RELCH: variants seen among roughly 807,000 people sequenced by gnomAD.
The protein encoded by RELCH is RAB11-binding protein RELCH.
A neutral mutation model predicts 150.3 loss-of-function variants in RELCH; 41 were observed. The ratio of observed to expected loss-of-function variants is 0.27; its 90% CI spans 0.21 to 0.35. RELCH has a LOEUF of 0.35. Ranked by LOEUF, RELCH falls within the 10% of genes least tolerant of loss-of-function variation. The pLI, the probability that RELCH is intolerant of heterozygous loss-of-function variation, is 1.00. For missense variants in RELCH, 1,092 were observed against 1,467.8 expected (o/e 0.74, Z 4.18); for synonymous variants, 478 against 531.8 (o/e 0.90, Z 1.39).
chr18:62,239,165 A>C (rs2042017878), intron 10 of RELCH, among the ~76,000 whole-genome samples: 1 of 152,126 alleles, frequency 6.6e-6, no homozygotes, highest in East Asian at 1.9e-4. Context: ...TTGTGAGTAC[A>C]TCACATTTCT....
Position 62,187,863 on chromosome 18 carries a change from A to T in RELCH, c.358A>T (p.Ser120Cys). The T allele has an allele frequency of 6.3e-7, 1 of 1,593,536 alleles. No homozygotes were observed. The highest frequency in any genetic ancestry group is 8.5e-7 in the Non-Finnish European group (1 of 1,170,498). Reference protein sequence around the residue: ...ALELHTELLESGRELPRLRDY... With the variant: ...ALELHTELLECGRELPRLRDY... ...GGAGCTGCATACCGAGCTGTTAGAG[A>T]GTGGCCGGGAGCTGCCTCGGCTGCG... The change falls in exon 1 of 29, where the codon AGT becomes TGT. Residue 120 changes from serine (S) to cysteine (C), a missense_variant. Ser to Cys is a moderately radical substitution (Grantham distance 112). Transcript: ENST00000644646.
chr18:62,187,286 C>T lies in RELCH; in HGVS notation c.-220C>T, dbSNP rs1469374895. Reference sequence around the variant, plus strand: ...CGCGAGACTGGAGACCAGGAAGACGCCTGCAGAGCCGGGCTGCTGGTGCAG... The same window carrying T: ...CGCGAGACTGGAGACCAGGAAGACGTCTGCAGAGCCGGGCTGCTGGTGCAG... On this transcript the variant is annotated 5_prime_UTR_variant, in exon 1 of 29. Transcript: ENST00000644646. The T allele has an allele frequency of 7.9e-6, 3 of 377,860 alleles. No homozygotes were observed. The highest frequency in any genetic ancestry group is 2.1e-5 in the African/African-American group (1 of 48,270). 23.4% of individuals were successfully genotyped at this position (377,860 alleles called of 1,614,324 possible).
chr18:62,268,417 G>A (rs1298243010), intron 19 of RELCH: 2 of 152,520 alleles, frequency 1.3e-5, no homozygotes, highest in African/African-American at 4.8e-5. Context: ...GGATGCAGGA[G>A]GGGCTCAGGA....
At chr18:62,201,226 G>A (rs2039423193) in intron 1 of RELCH, among the ~76,000 whole-genome samples, 1 of 152,010 alleles carries the variant, frequency 6.6e-6, no homozygotes, top group Non-Finnish European at 1.5e-5. Flanking sequence ...GCCTGCCTCG[G>A]CCTCCCAAAG....
chr18:62,275,961 A>G (rs748438557), intron 22 of RELCH, among the ~76,000 whole-genome samples: 1 of 152,194 alleles, frequency 6.6e-6, no homozygotes, highest in Non-Finnish European at 1.5e-5. Flanking sequence ...ATCCCAATAC[A>G]TTAACTGCCC....
intron 25 of RELCH, among the ~76,000 whole-genome samples, chr18:62,282,784 A>G (rs146605990): frequency 0.011 from 1,621 of 152,208 alleles, 16 homozygotes; most frequent in Non-Finnish European, 0.018. Flanking sequence ...CAGCCTCCCA[A>G]GTAGTTGGGA....
intron 13 of RELCH, among the ~76,000 whole-genome samples, chr18:62,256,646 A>T (rs933520928): frequency 6.6e-6 from 1 of 152,000 alleles, no homozygotes; most frequent in African/African-American, 2.4e-5. Context: ...ATAGCAGCAA[A>T]ATGTCTCTAC....
At chr18:62,277,943 C>G in intron 22 of RELCH, 1 of 670,574 alleles carries the variant, frequency 1.5e-6, no homozygotes, top group South Asian at 6.8e-5. Context: ...TCAGATGGGA[C>G]AGAGTTCCTT....
Position 62,227,348 on chromosome 18 carries a change from A to C in RELCH, c.918A>C (p.Gln306His). ...TTCCAAAACCTCCAGACTTATTGCAACTCTACCGGGATTTTGGAAATCATC... is the reference window on the plus strand; with the variant it reads ...TTCCAAAACCTCCAGACTTATTGCACCTCTACCGGGATTTTGGAAATCATC... ...LNIPKPPDLL[Q>H]LYRDFGNHQV... Residue 306 changes from glutamine (Q) to histidine (H), a missense_variant, in exon 6 of 29, where the codon CAA becomes CAC. By Grantham distance (24) the Gln-to-His change is conservative (BLOSUM62 0). Coordinates refer to ENST00000644646, the MANE Select transcript of RELCH (RefSeq NM_001346231.2). 6.2e-7 allele frequency: 1 copy of C among 1,612,518 alleles called. No homozygotes were observed. Among genetic ancestry groups the C allele is most frequent in the Admixed American group, 1.7e-5 (1 of 59,866 alleles).
chr18:62,291,555 A>T lies in RELCH; in HGVS notation c.3383A>T (p.Asp1128Val), dbSNP rs2045138790. Residue 1128 changes from aspartate (D) to valine (V), a missense_variant, in exon 27 of 29, where the codon GAT becomes GTT. By Grantham distance (152) the Asp-to-Val change is radical. Around this residue, in one of 4 missense-constraint regions of RELCH, gnomAD observed 707 missense variants for 1,025.4 expected, o/e 0.69. Coordinates refer to ENST00000644646, the MANE Select transcript of RELCH (RefSeq NM_001346231.2). ...SALSCCFISE[D>V]LMVNHFLPGL... The stretch of plus-strand genomic sequence containing the variant: ...ACCTTGTCCCAAGTCATTTCAGAGG[A>T]TTTAATGGTTAATCACTTTTTACCT... The T allele has an allele frequency of 6.2e-7, 1 of 1,607,816 alleles. No homozygotes were observed. The highest frequency in any genetic ancestry group is 8.5e-7 in the Non-Finnish European group (1 of 1,176,310).
At chr18:62,277,935 A>C (rs2044302199) in intron 22 of RELCH, 1 of 743,910 alleles carries the variant, frequency 1.3e-6, no homozygotes, top group Non-Finnish European at 1.6e-6. Context: ...ACTTTAAGTC[A>C]GATGGGACAG....
At chr18:62,280,289 C>T in intron 23 of RELCH, 1 of 1,247,860 alleles carries the variant, frequency 8.0e-7, no homozygotes, top group Non-Finnish European at 1.2e-6. Context: ...TGCCCATCCT[C>T]AGTCACAGCT....
chr18:62,215,235 A>G (rs2040412311), intron 2 of RELCH, among the ~76,000 whole-genome samples: 1 of 152,210 alleles, frequency 6.6e-6, no homozygotes, highest in Non-Finnish European at 1.5e-5. Context: ...GGATAACAGA[A>G]TAAACTGTGT....
chr18:62,277,556 T>C, intron 22 of RELCH: 1 of 769,754 alleles, frequency 1.3e-6, no homozygotes, highest in Non-Finnish European at 1.6e-6. Flanking sequence ...AATAAAAACA[T>C]AAAAAAAACA....
intron 11 of RELCH, among the ~76,000 whole-genome samples, chr18:62,245,599 C>T (rs766872001): frequency 1.6e-4 from 25 of 151,990 alleles, no homozygotes; most frequent in Non-Finnish European, 3.5e-4. Context: ...TGCACTCCAG[C>T]CTGGGAGACA....
chr18:62,271,341 AGTG>A (rs2043890287), intron 20 of RELCH, among the ~76,000 whole-genome samples: 1 of 152,196 alleles, frequency 6.6e-6, no homozygotes, highest in Non-Finnish European at 1.5e-5. Context: ...TCTGATGGCC[AGTG>A]ATGATGAGCA....
intron 2 of RELCH, among the ~76,000 whole-genome samples, chr18:62,213,141 A>G (rs896672933): frequency 6.6e-6 from 1 of 152,114 alleles, no homozygotes; most frequent in African/African-American, 2.4e-5. Flanking sequence ...CACTCATTAA[A>G]TAGCACTTGT....
chr18:62,205,483 C>A (rs1327582003), intron 1 of RELCH, among the ~76,000 whole-genome samples: 1 of 152,190 alleles, frequency 6.6e-6, no homozygotes, highest in Admixed American at 6.5e-5. Flanking sequence ...ATTGTAGGTA[C>A]TCCTATAAGG....
At chr18:62,290,283 C>T (rs1428049817) in intron 26 of RELCH, among the ~76,000 whole-genome samples, 1 of 152,182 alleles carries the variant, frequency 6.6e-6, no homozygotes, top group Non-Finnish European at 1.5e-5. Context: ...CCTGTAATCC[C>T]AGCACTTTGG....
Sources: gnomAD v4.1 joint callset for allele counts (sites outside exome capture counted in the v4.1 genomes callset) on GRCh38, gnomAD v4.1.1 for gene constraint, gnomAD v4.1.1 regional missense constraint, MANE v1.5 for transcripts, NCBI Gene and HGNC (gene_info 2026-07-23, HGNC 2026-07-21) for gene names.